Variants in KLRG1 observed in about 807,000 individuals in gnomAD.
KLRG1 encodes killer cell lectin like receptor G1, also known as killer cell lectin-like receptor subfamily G member 1.
A neutral mutation model predicts 21.8 loss-of-function variants in KLRG1; 16 were observed. That is an observed-to-expected ratio of 0.73 (90% CI 0.50 to 1.11). KLRG1 has a LOEUF of 1.11. Among genes scored for constraint, KLRG1 ranks in the 50% most tolerant of loss-of-function variants. The pLI is 0.00. For missense variants in KLRG1, 173 were observed against 218.3 expected (o/e 0.79, Z 1.31); for synonymous variants, 69 against 75.9 (o/e 0.91, Z 0.47).
rs1413925069 is a variant in KLRG1, at chr12:8,992,002, T to C, written c.83-204T>C. The C allele has an allele frequency of 5.1e-5, 24 of 466,130 alleles. No homozygotes were observed. In the Admixed American group the frequency reaches 9.4e-4, roughly 18 times the overall value. The allele number at this position is 466,130 out of a possible 1,614,324, so 28.9% of individuals were successfully genotyped here. ...AAAGCATTCTTTATCTTGATAAATA[T>C]AGTAAGTTCTTTGATACAGGTGTTG... On this transcript the variant is annotated intron_variant, in intron 1 of 4. Transcript: ENST00000356986.
the KLRG1 span, chr12:9,079,297 A>T: frequency 6.2e-7 from 1 of 1,613,808 alleles, no homozygotes; most frequent in Non-Finnish European, 8.5e-7. Context: ...TGTAGGAGCC[A>T]TCATAGTGTT....
At chr12:9,215,385 C>T in the KLRG1 span, among the ~76,000 whole-genome samples, 1 of 151,608 alleles carries the variant, frequency 6.6e-6, no homozygotes, top group Non-Finnish European at 1.5e-5. Flanking sequence ...AGAAGAATTA[C>T]TAGGACTGAA....
At chr12:9,050,762 G>C in the KLRG1 span, among the ~76,000 whole-genome samples, 1 of 152,192 alleles carries the variant, frequency 6.6e-6, no homozygotes, top group Non-Finnish European at 1.5e-5. Flanking sequence ...CTTTCAAGTT[G>C]GCGAGGTGGG....
At chr12:9,009,326 A>T in intron 4 of KLRG1, 100 bp from the exon 5 acceptor site, 3 of 1,464,916 alleles carry the variant, frequency 2.0e-6, no homozygotes, top group Non-Finnish European at 2.8e-6. Flanking sequence ...AGGGGCCTGA[A>T]TAGGGAGACA....
chr12:9,081,413 G>T, the KLRG1 span, among the ~76,000 whole-genome samples: 83,761 of 152,030 alleles, frequency 0.55, 24,645 homozygotes, highest in African/African-American at 0.75. Context: ...GAGGATTTTC[G>T]TTTTGTAGTT....
chr12:9,209,895 T>G, the KLRG1 span, among the ~76,000 whole-genome samples: 1 of 152,138 alleles, frequency 6.6e-6, no homozygotes, highest in Non-Finnish European at 1.5e-5. Flanking sequence ...AGGATAAAAT[T>G]TATTAATTTT....
chr12:9,205,788 A>C, the KLRG1 span, among the ~76,000 whole-genome samples: 1 of 152,222 alleles, frequency 6.6e-6, no homozygotes, highest in Non-Finnish European at 1.5e-5. Context: ...TGACACAAGA[A>C]ACCCAATATT....
the KLRG1 span, among the ~76,000 whole-genome samples, chr12:9,191,728 C>T: frequency 4.6e-5 from 7 of 152,056 alleles, no homozygotes; most frequent in Non-Finnish European, 2.9e-5. Flanking sequence ...CTTGGTTCCC[C>T]AGGCCTCAAT....
intron 1 of KLRG1, among the ~76,000 whole-genome samples, chr12:8,979,869 G>A (rs1946726428): frequency 6.6e-6 from 1 of 151,830 alleles, no homozygotes. Context: ...TTTTACTCAT[G>A]TATTCTTCAG....
At chr12:9,100,373 A>C in the KLRG1 span, among the ~76,000 whole-genome samples, 1 of 152,202 alleles carries the variant, frequency 6.6e-6, no homozygotes, top group Non-Finnish European at 1.5e-5. Context: ...AATCTGGAAT[A>C]AGCATAGATT....
chr12:9,179,673 G>C, the KLRG1 span, among the ~76,000 whole-genome samples: 1 of 152,174 alleles, frequency 6.6e-6, no homozygotes, highest in African/African-American at 2.4e-5. Context: ...TTTGTAGCAA[G>C]CTTACCTACT....
chr12:9,176,979 C>T, the KLRG1 span, among the ~76,000 whole-genome samples: 1 of 152,188 alleles, frequency 6.6e-6, no homozygotes, highest in Non-Finnish European at 1.5e-5. Flanking sequence ...CAATGAGAAT[C>T]TCAGAGAGAG....
chr12:9,122,042 T>C, the KLRG1 span, among the ~76,000 whole-genome samples: 11 of 152,262 alleles, frequency 7.2e-5, no homozygotes, highest in Non-Finnish European at 1.6e-4. Context: ...CTGTTGCTTA[T>C]AATTTATCTT....
chr12:9,077,728 A>G, the KLRG1 span: 1 of 1,614,180 alleles, frequency 6.2e-7, no homozygotes, highest in Middle Eastern at 1.7e-4. Context: ...GCAGTGACCC[A>G]GAGCTCCTGA....
the KLRG1 span, among the ~76,000 whole-genome samples, chr12:9,063,377 A>G: frequency 6.6e-6 from 1 of 152,198 alleles, no homozygotes; most frequent in Non-Finnish European, 1.5e-5. Flanking sequence ...CATATAAGAA[A>G]ATGCAAGAGA....
chr12:9,029,010 T>C, the KLRG1 span: 7 of 600,196 alleles, frequency 1.2e-5, no homozygotes, highest in South Asian at 7.5e-5. Context: ...CAGGCTCTCA[T>C]TGGTTGTTTC....
intron 1 of KLRG1, among the ~76,000 whole-genome samples, chr12:8,958,529 A>T (rs1197186350): frequency 1.3e-5 from 2 of 152,176 alleles, no homozygotes; most frequent in South Asian, 2.1e-4. Flanking sequence ...ATTTCCATAT[A>T]CACTTTAAAA....
At chr12:9,042,652 T>C in the KLRG1 span, among the ~76,000 whole-genome samples, 1 of 152,124 alleles carries the variant, frequency 6.6e-6, no homozygotes, top group Non-Finnish European at 1.5e-5. Context: ...ACTGGAATGG[T>C]TATAGATTGA....
the KLRG1 span, chr12:9,027,971 G>T: frequency 1.0e-6 from 1 of 977,052 alleles, no homozygotes; most frequent in Non-Finnish European, 1.6e-6. Context: ...CTTCACAGTT[G>T]TGGTCATTCA....
Sources: allele counts gnomAD v4.1 joint callset (sites outside exome capture counted in the v4.1 genomes callset), GRCh38; gene constraint gnomAD v4.1.1; transcripts MANE v1.5; gene names NCBI Gene and HGNC (gene_info 2026-07-23, HGNC 2026-07-21).